The following ADAM12 variants were observed in gnomAD, a reference collection of about 807,000 sequenced individuals.
ADAM12 encodes the protein ADAM metallopeptidase domain 12, also known as disintegrin and metalloproteinase domain-containing protein 12.
In ADAM12, 70 loss-of-function variants were observed where a neutral mutation model predicts 106.4. The ratio of observed to expected loss-of-function variants is 0.66; its 90% confidence interval spans 0.54 to 0.80. ADAM12 has a LOEUF of 0.80. Ranked by LOEUF, ADAM12 falls within the 30% of genes least tolerant of loss-of-function variation. ADAM12 has a pLI of 0.00. For synonymous variants in ADAM12, 420 were observed against 433.5 expected, an observed-to-expected ratio of 0.97 and a Z score of 0.39; for missense variants, 1,010 against 1,171.9, an observed-to-expected ratio of 0.86 and a Z score of 2.02.
intron 1 of ADAM12, among the ~76,000 whole-genome samples, chr10:126,385,375 A>T (rs955457562): frequency 6.6e-6 from 1 of 152,184 alleles, no homozygotes; most frequent in Non-Finnish European, 1.5e-5. Flanking sequence ...CCCAACTCTA[A>T]TCATGCCTTA....
intron 2 of ADAM12, among the ~76,000 whole-genome samples, chr10:126,304,361 A>G (rs1340693184): frequency 6.6e-6 from 1 of 151,926 alleles, no homozygotes; most frequent in Non-Finnish European, 1.5e-5. Flanking sequence ...AAAAAACCCA[A>G]ACAGATGGAA....
chr10:126,148,774 G>A (rs1470353903), intron 4 of ADAM12, among the ~76,000 whole-genome samples: 2 of 152,128 alleles, frequency 1.3e-5, no homozygotes, highest in African/African-American at 4.8e-5. Context: ...ATTCTGGAGA[G>A]GATACTAGTT....
At chr10:126,324,671 C>A (rs942106150) in intron 2 of ADAM12, among the ~76,000 whole-genome samples, 2 of 152,062 alleles carry the variant, frequency 1.3e-5, no homozygotes, top group Non-Finnish European at 2.9e-5. Context: ...AGAAGTGTTT[C>A]AAACCTTACT....
chr10:126,113,731 T>A (rs1278382), intron 6 of ADAM12, among the ~76,000 whole-genome samples: 7,878 of 25,308 alleles, frequency 0.31, 1,541 homozygotes, highest in African/African-American at 0.46. Flanking sequence ...TATATATATA[T>A]AATATATTGC....
chr10:126,121,138 C>G lies in ADAM12; in HGVS notation c.417-2914G>C, dbSNP rs796790883. 0.012 allele frequency among the ~76,000 whole-genome samples: 217 copies of G among 17,710 alleles called. 13 individuals carry two copies. In the East Asian group the frequency reaches 0.19, roughly 15 times the overall value. The allele number at this position is 17,710 out of a possible 152,430, so 11.6% of individuals were successfully genotyped here. On this transcript the variant is annotated intron_variant, in intron 5 of 22. Transcript: ENST00000448723. The stretch of plus-strand genomic sequence containing the variant: ...ATATATATAGTATATATACTATATA[C>G]TATATATACTATATATACTATATAT...
chr10:126,267,352 T>C (rs137992535), intron 3 of ADAM12, among the ~76,000 whole-genome samples: 44 of 152,276 alleles, frequency 2.9e-4, no homozygotes, highest in African/African-American at 1.1e-3. Flanking sequence ...GCACATTGCA[T>C]TTATTGTGTA....
intron 11 of ADAM12, among the ~76,000 whole-genome samples, chr10:126,082,637 C>T (rs778945840): frequency 1.1e-4 from 16 of 152,104 alleles, no homozygotes; most frequent in Non-Finnish European, 2.1e-4. Flanking sequence ...TCCCAAAGTG[C>T]TGGGATTACA....
At chr10:126,019,931 C>T in intron 21 of ADAM12, 106 bp from the exon 22 acceptor site, 3 of 1,364,538 alleles carry the variant, frequency 2.2e-6, no homozygotes, top group Non-Finnish European at 2.9e-6. Flanking sequence ...TGAATATCAT[C>T]CTGTCACCAT....
Position 126,049,249 on chromosome 10 carries a change from T to A in ADAM12, c.1917+4A>T, listed in dbSNP as rs770823517. The A allele has an allele frequency of 1.2e-6, 2 of 1,614,022 alleles. No homozygotes were observed. Among genetic ancestry groups the A allele is most frequent in the East Asian group, 4.5e-5 (2 of 44,880 alleles). On this transcript the variant is annotated splice_donor_region_variant and intron_variant, in intron 16 of 22. Coordinates refer to ENST00000448723, the MANE Select transcript of ADAM12 (RefSeq NM_001288973.2). The surrounding 1 kb of genome is among the most constrained non-coding windows in gnomAD (Gnocchi z 4.4). ...TATGATCCAAGCAAACATTTGGGTC[T>A]TACTTTTCCATCTGCACACTTTGTG...
At chr10:126,242,597 G>A (rs1181250673) in intron 3 of ADAM12, among the ~76,000 whole-genome samples, 2 of 152,158 alleles carry the variant, frequency 1.3e-5, no homozygotes, top group African/African-American at 2.4e-5. Flanking sequence ...TCCACAGTGG[G>A]TCCTCCACAA....
At chr10:126,311,586 T>A (rs1475206611) in intron 2 of ADAM12, among the ~76,000 whole-genome samples, 3 of 152,064 alleles carry the variant, frequency 2.0e-5, no homozygotes, top group African/African-American at 4.8e-5. Flanking sequence ...AGCTGGGAAC[T>A]TCCAGCCCAC....
chr10:126,210,075 A>G (rs1957871797), intron 3 of ADAM12, among the ~76,000 whole-genome samples: 1 of 152,230 alleles, frequency 6.6e-6, no homozygotes, highest in East Asian at 1.9e-4. Context: ...GCAACACTCA[A>G]CTCGATGACT....
intron 1 of ADAM12, among the ~76,000 whole-genome samples, chr10:126,387,133 C>G (rs996455608): frequency 6.6e-6 from 1 of 152,094 alleles, no homozygotes; most frequent in African/African-American, 2.4e-5. Flanking sequence ...TGAGAGCTTG[C>G]GGCCAAGGGA....
At position 126,268,162 on chromosome 10, in the gene ADAM12, T is replaced by C. The variant is rs79413124; in HGVS notation, c.260+10753A>G. On this transcript the variant is annotated intron_variant, in intron 3 of 22. Coordinates refer to ENST00000448723, the MANE Select transcript of ADAM12 (RefSeq NM_001288973.2). ...CCGGTAACCACCATTCTACTTTCTG[T>C]TTCTATGATTTTGCCTATTCGAATT... Among the ~76,000 whole-genome samples the C allele has an allele frequency of 8.4e-3, 1,279 of 152,282 alleles. 30 individuals carry two copies. In the East Asian group the frequency reaches 0.11, roughly 13 times the overall value.
chr10:126,190,989 CCT>C (rs1414204863), intron 3 of ADAM12, among the ~76,000 whole-genome samples: 9 of 68,730 alleles, frequency 1.3e-4, no homozygotes, highest in African/African-American at 3.0e-4. Flanking sequence ...GGAGTTTTGT[CCT>C]TTTTTTTTTT....
At chr10:126,113,688 ATATATATATATATATATATATATAT>A (rs1249453365) in intron 6 of ADAM12, among the ~76,000 whole-genome samples, 7 of 10,152 alleles carry the variant, frequency 6.9e-4, no homozygotes, top group African/African-American at 1.5e-3. Context: ...AAAAAAAAAA[ATATATATATATATATATATATATAT>A]ATATATATAT....
intron 1 of ADAM12, among the ~76,000 whole-genome samples, chr10:126,346,094 G>A (rs1341749082): frequency 1.3e-5 from 2 of 152,116 alleles, no homozygotes; most frequent in African/African-American, 4.8e-5. Flanking sequence ...TGCTTCTCTA[G>A]TTCTTTTAAA....
At chr10:126,083,965 G>T in intron 11 of ADAM12, among the ~76,000 whole-genome samples, 1 of 152,134 alleles carries the variant, frequency 6.6e-6, no homozygotes, top group East Asian at 1.9e-4. Flanking sequence ...CCAACCAGAC[G>T]GACCACAGAA....
At chr10:126,324,702 T>C (rs1000900564) in intron 2 of ADAM12, among the ~76,000 whole-genome samples, 3 of 152,142 alleles carry the variant, frequency 2.0e-5, no homozygotes, top group African/African-American at 7.2e-5. Context: ...AGAAGGAAGA[T>C]GACAACCTTA....
Sources: gnomAD v4.1 joint callset for allele counts (sites outside exome capture counted in the v4.1 genomes callset) on GRCh38, gnomAD v4.1.1 for gene constraint, Gnocchi (gnomAD v3.1) non-coding constraint, MANE v1.5 for transcripts, NCBI Gene and HGNC (gene_info 2026-07-23, HGNC 2026-07-21) for gene names.